Variants in PPP6R3 observed in about 807,000 individuals in gnomAD.
PPP6R3 encodes serine/threonine-protein phosphatase 6 regulatory subunit 3.
A neutral mutation model predicts 110.7 loss-of-function variants in PPP6R3; 38 were observed. The observed-to-expected ratio is 0.34, with a 90% CI of 0.26 to 0.45. PPP6R3 has a LOEUF of 0.45. Among genes scored for constraint, PPP6R3 ranks in the 20% least tolerant of loss-of-function variants. The pLI is 1.00. For synonymous variants in PPP6R3, 369 were observed against 373.5 expected, an observed-to-expected ratio of 0.99 and a Z score of 0.14; for missense variants, 870 against 1,062.4, an observed-to-expected ratio of 0.82 and a Z score of 2.52.
chr11:68,606,985 A>G (rs1049440501), intron 22 of PPP6R3, among the ~76,000 whole-genome samples: 2 of 152,358 alleles, frequency 1.3e-5, no homozygotes, highest in East Asian at 1.9e-4. Context: ...TATTATTCCA[A>G]AATACATCAA....
rs1555021448 is a variant in PPP6R3, at chr11:68,477,741, A to ATAT, written c.-158+16914_-158+16915insTAT. Among the ~76,000 whole-genome samples the ATAT allele has an allele frequency of 5.4e-3, 311 of 57,838 alleles. 2 individuals carry two copies. Among genetic ancestry groups the ATAT allele is most frequent in the Middle Eastern group, 0.023 (2 of 88 alleles). The allele number at this position is 57,838 out of a possible 152,430, so 37.9% of individuals were successfully genotyped here. ...GACATTGTCTCTTAAAAAAAAAAAA[A>ATAT]ATATATATATATATATATATATATA... On this transcript the variant is annotated intron_variant, in intron 1 of 23. Coordinates refer to ENST00000393800, the MANE Select transcript of PPP6R3 (RefSeq NM_001164161.2).
At position 68,558,686 on chromosome 11, in the gene PPP6R3, T is replaced by C; in HGVS notation, c.845+7T>C. 6.3e-7 allele frequency: 1 copy of C among 1,578,928 alleles called. No individual in the cohort carries two copies. The highest frequency in any genetic ancestry group is 8.7e-7 in the Non-Finnish European group (1 of 1,150,870). ...TTGAGACACGACGACCAACGTAAGCTTTTCTTATATCTTACAAAATGAACC... is the reference window on the plus strand; with the variant it reads ...TTGAGACACGACGACCAACGTAAGCCTTTCTTATATCTTACAAAATGAACC... On this transcript the variant is annotated splice_region_variant and intron_variant, in intron 8 of 23. Coordinates refer to ENST00000393800, the MANE Select transcript of PPP6R3 (RefSeq NM_001164161.2).
At chr11:68,480,400 A>G (rs1242150341) in intron 1 of PPP6R3, among the ~76,000 whole-genome samples, 1 of 152,260 alleles carries the variant, frequency 6.6e-6, no homozygotes, top group Non-Finnish European at 1.5e-5. Flanking sequence ...TGTACCAGAC[A>G]CTGTCTGGGC....
chr11:68,531,997 C>T (rs1450244980), intron 2 of PPP6R3, among the ~76,000 whole-genome samples: 4 of 152,190 alleles, frequency 2.6e-5, no homozygotes, highest in African/African-American at 9.7e-5. Context: ...TGCTAGCATT[C>T]GACTAGCAGT....
Position 68,605,205 on chromosome 11 carries a change from T to C in PPP6R3, c.2450+1713T>C, listed in dbSNP as rs146506515. Among the ~76,000 whole-genome samples the C allele has an allele frequency of 7.1e-3, 1,088 of 152,186 alleles. 14 individuals carry two copies. Among genetic ancestry groups the C allele is most frequent in the African/African-American group, 0.025 (1,035 of 41,518 alleles). ...AAATACAAAAATTAGCTGAGTGTGG[T>C]GGTGTGTGCCTGTGGTCCCAGCTAC... On this transcript the variant is annotated intron_variant, in intron 22 of 23. Coordinates refer to ENST00000393800, the MANE Select transcript of PPP6R3 (RefSeq NM_001164161.2).
intron 1 of PPP6R3, among the ~76,000 whole-genome samples, chr11:68,467,635 G>A (rs1432774535): frequency 6.6e-6 from 1 of 152,198 alleles, no homozygotes; most frequent in African/African-American, 2.4e-5. Flanking sequence ...CTCCATGGTT[G>A]GCTGGTCAGA....
intron 1 of PPP6R3, among the ~76,000 whole-genome samples, chr11:68,465,564 C>G (rs1430912535): frequency 6.6e-6 from 1 of 152,222 alleles, no homozygotes; most frequent in African/African-American, 2.4e-5. Context: ...GAAATTCGGC[C>G]TGTGCCTATG....
chr11:68,498,324 A>G (rs1203437837), intron 1 of PPP6R3, among the ~76,000 whole-genome samples: 2 of 152,188 alleles, frequency 1.3e-5, no homozygotes, highest in Admixed American at 6.5e-5. Context: ...TCTAACAACC[A>G]TACACTCAAG....
intron 8 of PPP6R3, among the ~76,000 whole-genome samples, chr11:68,563,850 A>ATTTTAAACC (rs1457687771): frequency 1.3e-5 from 2 of 152,254 alleles, no homozygotes; most frequent in Non-Finnish European, 2.9e-5. Context: ...ATGTAGAATA[A>ATTTTAAACC]TTTTAAACCT....
At chr11:68,600,931 T>C (rs2099629893) in intron 20 of PPP6R3, among the ~76,000 whole-genome samples, 1 of 152,226 alleles carries the variant, frequency 6.6e-6, no homozygotes, top group Non-Finnish European at 1.5e-5. Flanking sequence ...GTAGATAATA[T>C]GAACTTACAG....
chr11:68,574,078 A>G (rs1410065691), intron 12 of PPP6R3, 31 bp from the exon 13 acceptor site: 1 of 1,477,190 alleles, frequency 6.8e-7, no homozygotes, highest in Non-Finnish European at 9.5e-7. Context: ...CCTATCAGGA[A>G]TCTGAGTATT....
intron 19 of PPP6R3, among the ~76,000 whole-genome samples, chr11:68,597,165 G>A (rs1031376775): frequency 6.6e-6 from 1 of 152,234 alleles, no homozygotes; most frequent in Admixed American, 6.5e-5. Flanking sequence ...TGCCTCCAGG[G>A]GCTTGGGGTC....
chr11:68,539,722 A>C (rs1185723387), intron 3 of PPP6R3, among the ~76,000 whole-genome samples: 1 of 152,234 alleles, frequency 6.6e-6, no homozygotes, highest in South Asian at 2.1e-4. Context: ...GGGATGATGG[A>C]GTAATTGCTG....
chr11:68,510,855 G>A (rs1344159470), intron 1 of PPP6R3, among the ~76,000 whole-genome samples: 1 of 151,980 alleles, frequency 6.6e-6, no homozygotes, highest in Non-Finnish European at 1.5e-5. Flanking sequence ...GTTCATACTT[G>A]TGTGTATACT....
intron 1 of PPP6R3, among the ~76,000 whole-genome samples, chr11:68,500,621 G>T (rs1041334897): frequency 1.3e-5 from 2 of 152,166 alleles, no homozygotes; most frequent in African/African-American, 2.4e-5. Context: ...GGGACTGCAG[G>T]TACGTGCCAC....
In PPP6R3 at chr11:68,613,307, A is replaced by G. The variant is rs1354788625; in HGVS notation, c.*190A>G. ...ATTCAGAAGTGTAAAAATATTGCAC[A>G]TTGACAAATACCAAGAATTTTTGCG... On this transcript the variant is annotated 3_prime_UTR_variant, in exon 24 of 24. Coordinates refer to ENST00000393800, the MANE Select transcript of PPP6R3 (RefSeq NM_001164161.2). 5 of 1,337,256 alleles carry G rather than the reference A, an allele frequency of 3.7e-6. No homozygotes were observed. The highest frequency in any genetic ancestry group is 9.6e-7 in the Non-Finnish European group (1 of 1,047,024). The allele number at this position is 1,337,256 out of a possible 1,614,324, so 82.8% of individuals were successfully genotyped here.
chr11:68,500,219 T>C (rs2099041084), intron 1 of PPP6R3, among the ~76,000 whole-genome samples: 1 of 152,204 alleles, frequency 6.6e-6, no homozygotes, highest in African/African-American at 2.4e-5. Flanking sequence ...TCTAGTTTCA[T>C]GTGATAACTT....
intron 1 of PPP6R3, among the ~76,000 whole-genome samples, chr11:68,461,495 G>T (rs893226691): frequency 3.5e-5 from 3 of 84,886 alleles, no homozygotes; most frequent in East Asian, 3.0e-4. Context: ...AGCCGGGGGT[G>T]GGGGGGGTGG....
intron 3 of PPP6R3, among the ~76,000 whole-genome samples, chr11:68,540,687 C>T (rs1276031059): frequency 7.0e-6 from 1 of 141,938 alleles, no homozygotes; most frequent in African/African-American, 2.6e-5. Flanking sequence ...GATGACCACA[C>T]CCAGGGGGGC....
Sources: gnomAD v4.1 joint callset for allele counts (sites outside exome capture counted in the v4.1 genomes callset) on GRCh38, gnomAD v4.1.1 for gene constraint, MANE v1.5 for transcripts, NCBI Gene and HGNC (gene_info 2026-07-23, HGNC 2026-07-21) for gene names.